The following ANKRD13B variants were observed in gnomAD, a reference collection of about 807,000 sequenced individuals.
The protein encoded by ANKRD13B is ankyrin repeat domain-containing protein 13B.
ANKRD13B carries 33 observed loss-of-function variants against 74.4 expected under a neutral mutation model. The observed-to-expected ratio is 0.44, with a 90% confidence interval of 0.34 to 0.59. The LOEUF (loss-of-function observed/expected upper bound fraction) is 0.59. Ranked by LOEUF, ANKRD13B falls within the 20% of genes least tolerant of loss-of-function variation. The pLI is 0.02. For missense variants in ANKRD13B, 676 were observed against 877.9 expected, an observed-to-expected ratio of 0.77 and a Z score of 2.91; for synonymous variants, 341 against 362.9, an observed-to-expected ratio of 0.94 and a Z score of 0.68.
rs2034492434 is a variant in ANKRD13B, at chr17:29,609,173, T to TGCTGCTG, written c.661_667dup (p.Ala223GlyfsTer7). ...GCACTGGCTGGGCAGGACCGGGAGC[T>TGCTGCTG]GCTGCTGGCTGCTGCTCAGCCCACT... On this transcript the variant is annotated frameshift_variant, in exon 6 of 15. Transcript: ENST00000394859. LOFTEE classifies it high-confidence loss of function. This position sits in a 1 kb window ranked among gnomAD's most constrained non-coding sequence, Gnocchi z 4.0. 1.2e-6 allele frequency: 2 copies of TGCTGCTG among 1,612,252 alleles called. No individual in the cohort carries two copies. The highest frequency in any genetic ancestry group is 1.7e-6 in the Non-Finnish European group (2 of 1,179,998).
rs2034680146 is a variant in ANKRD13B at position 29,613,390 on chromosome 17, C to T, written c.1689C>T (p.Pro563=). The change falls in exon 15 of 15, where the codon CCC becomes CCT. Residue 563 remains proline, a synonymous_variant. Transcript: ENST00000394859. ...APPTPQRQPA[P]PASVPSPRPS... is the part of the protein sequence containing the mutation. Reference sequence around the variant, plus strand: ...CCACGCCGCAGCGCCAGCCTGCGCCCCCGGCGTCAGTGCCCAGCCCTCGGC... The same window carrying T: ...CCACGCCGCAGCGCCAGCCTGCGCCTCCGGCGTCAGTGCCCAGCCCTCGGC... The T allele has an allele frequency of 1.3e-6, 2 of 1,487,072 alleles. No individual in the cohort carries two copies. The highest frequency in any genetic ancestry group is 8.9e-7 in the Non-Finnish European group (1 of 1,124,304). 92.1% of individuals were successfully genotyped at this position (1,487,072 alleles called of 1,614,324 possible).
intron 1 of ANKRD13B, among the ~76,000 whole-genome samples, chr17:29,601,872 G>A (rs1164285702): frequency 6.6e-6 from 1 of 152,062 alleles, no homozygotes; most frequent in Non-Finnish European, 1.5e-5. Context: ...TTTCTGATGA[G>A]AAGAATATAG....
intron 1 of ANKRD13B, among the ~76,000 whole-genome samples, chr17:29,601,722 G>A (rs901381646): frequency 6.6e-5 from 10 of 150,904 alleles, no homozygotes; most frequent in African/African-American, 1.7e-4. Flanking sequence ...TATTTTCACC[G>A]GGTATGGAAT....
At chr17:29,599,875 T>TG (rs2034095940) in intron 1 of ANKRD13B, among the ~76,000 whole-genome samples, 5 of 118,658 alleles carry the variant, frequency 4.2e-5, no homozygotes, top group South Asian at 3.0e-4. Context: ...GTTTTTTTTT[T>TG]TTTTTTTTTT....
At chr17:29,597,980 G>A (rs1238193464) in intron 1 of ANKRD13B, among the ~76,000 whole-genome samples, 1 of 152,126 alleles carries the variant, frequency 6.6e-6, no homozygotes, top group Non-Finnish European at 1.5e-5. Context: ...GGTCTTATTA[G>A]CTGCAGCGGC....
intron 1 of ANKRD13B, among the ~76,000 whole-genome samples, chr17:29,594,682 C>T (rs2033890931): frequency 6.6e-6 from 1 of 152,216 alleles, no homozygotes; most frequent in Non-Finnish European, 1.5e-5. Context: ...CAGAGCTGGG[C>T]CCGGGTCCCA....
At position 29,613,527 on chromosome 17, in the gene ANKRD13B, G is replaced by T; in HGVS notation, c.1826G>T (p.Arg609Leu). Residue 609 changes from arginine (R) to leucine (L), a missense_variant, in exon 15 of 15, where the codon CGC becomes CTC. Coordinates refer to ENST00000394859, the MANE Select transcript of ANKRD13B (RefSeq NM_152345.5). ...CAGGAGGAGAGGCGGCGGCGCGCGC[G>T]CCAGGAGGAGGAGGAGCTGGAGCGC... ...QEQEERRRRARQEEEELERIL... is the reference protein window; with the variant it reads ...QEQEERRRRALQEEEELERIL... The T allele has an allele frequency of 6.6e-7, 1 of 1,524,388 alleles. No homozygotes were observed. Among genetic ancestry groups the T allele is most frequent in the Non-Finnish European group, 8.8e-7 (1 of 1,138,504 alleles). The allele number at this position is 1,524,388 out of a possible 1,614,324, so 94.4% of individuals were successfully genotyped here. A position where few individuals can be genotyped will look rare whatever the true frequency, so the allele number is the denominator to read the frequency against.
chr17:29,611,445 A>C lies in ANKRD13B; in HGVS notation c.905-134A>C, dbSNP rs879206127. ...AGTCCCCTTCAGGTGAAGGTGCCTG[A>C]GTATGTGGTTGGGTGAGCAGGCCCC... On this transcript the variant is annotated intron_variant, in intron 8 of 14. Transcript: ENST00000394859. The surrounding 1 kb of genome is among the most constrained non-coding windows in gnomAD (Gnocchi z 4.3). 2.4e-5 allele frequency: 20 copies of C among 821,200 alleles called. No individual in the cohort carries two copies. The South Asian group carries it at 3.1e-4, about 13-fold the overall frequency. The allele number at this position is 821,200 out of a possible 1,614,324, so 50.9% of individuals were successfully genotyped here.
chr17:29,597,488 T>A (rs1183573291), intron 1 of ANKRD13B, among the ~76,000 whole-genome samples: 1 of 151,874 alleles, frequency 6.6e-6, no homozygotes, highest in African/African-American at 2.4e-5. Flanking sequence ...GACCCCCAGC[T>A]ACAAAACTCC....
At chr17:29,596,394 G>C (rs1298641283) in intron 1 of ANKRD13B, among the ~76,000 whole-genome samples, 7 of 152,246 alleles carry the variant, frequency 4.6e-5, no homozygotes, top group Admixed American at 4.6e-4. Flanking sequence ...GCCAGGTCGG[G>C]GGGGACAGGG....
At chr17:29,613,282 C>T (rs536002337) in intron 14 of ANKRD13B, 72 bp from the exon 15 acceptor site, 3 of 1,388,270 alleles carry the variant, frequency 2.2e-6, no homozygotes, top group African/African-American at 1.5e-5. Context: ...CTGGAGCCTC[C>T]ACGCCGTGTC....
At position 29,610,679 on chromosome 17, in the gene ANKRD13B, C is replaced by A; in HGVS notation, c.823-6C>A. 6.2e-7 allele frequency: 1 copy of A among 1,613,642 alleles called. No homozygotes were observed. Among genetic ancestry groups the A allele is most frequent in the Non-Finnish European group, 8.5e-7 (1 of 1,179,700 alleles). On this transcript the variant is annotated splice_polypyrimidine_tract_variant and splice_region_variant and intron_variant, in intron 7 of 14. Coordinates refer to ENST00000394859, the MANE Select transcript of ANKRD13B (RefSeq NM_152345.5). ...GCTTATGAGCCCTTTCTTCATCTGT[C>A]CCCAGGTGTATGGGGCATCTAACGT... is the stretch of plus-strand genomic sequence containing the variant.
intron 1 of ANKRD13B, among the ~76,000 whole-genome samples, chr17:29,602,517 G>A (rs1310932501): frequency 1.3e-5 from 2 of 152,104 alleles, no homozygotes; most frequent in African/African-American, 2.4e-5. Flanking sequence ...GTCTCTTTCA[G>A]ATTCTGGTGA....
intron 1 of ANKRD13B, among the ~76,000 whole-genome samples, chr17:29,596,257 A>G (rs891245457): frequency 6.6e-6 from 1 of 152,236 alleles, no homozygotes; most frequent in Non-Finnish European, 1.5e-5. Context: ...CTCAGCCCCA[A>G]ATTGCTCTGC....
intron 1 of ANKRD13B, among the ~76,000 whole-genome samples, chr17:29,596,466 G>A (rs1318473486): frequency 6.6e-6 from 1 of 152,248 alleles, no homozygotes. Context: ...GCATGGTCCT[G>A]GTTCTGGAGT....
chr17:29,609,314 G>A lies in ANKRD13B; in HGVS notation c.755+39G>A, dbSNP rs142904329. 5.4e-4 allele frequency: 877 copies of A among 1,613,074 alleles called. No homozygotes were observed. The highest frequency in any genetic ancestry group is 1.2e-3 in the African/African-American group (91 of 75,014). On this transcript the variant is annotated intron_variant, in intron 6 of 14. Transcript: ENST00000394859. The surrounding 1 kb of genome is among the most constrained non-coding windows in gnomAD (Gnocchi z 4.0). ...GCCTTGGTCACCCTTGAGCCAGCCCGGTGGGGTGCCTGCCTCACCTGGACC... is the reference window on the plus strand; with the variant it reads ...GCCTTGGTCACCCTTGAGCCAGCCCAGTGGGGTGCCTGCCTCACCTGGACC...
Position 29,612,013 on chromosome 17 carries a change from C to G in ANKRD13B, c.1100+7C>G. The G allele has an allele frequency of 1.9e-6, 3 of 1,610,302 alleles. No homozygotes were observed. In the East Asian group the frequency reaches 6.7e-5, roughly 36 times the overall value. On this transcript the variant is annotated splice_region_variant and intron_variant, in intron 10 of 14. Coordinates refer to ENST00000394859, the MANE Select transcript of ANKRD13B (RefSeq NM_152345.5). The surrounding 1 kb of genome is among the most constrained non-coding windows in gnomAD (Gnocchi z 6.1). ...TGACCACCAAGACACAGAAGTGAGGCCCCTGCCGGTGCTGGGAAGGTGGGG... is the reference window on the plus strand; with the variant it reads ...TGACCACCAAGACACAGAAGTGAGGGCCCTGCCGGTGCTGGGAAGGTGGGG...
At chr17:29,610,123 C>T (rs569947329) in intron 7 of ANKRD13B, among the ~76,000 whole-genome samples, 2 of 146,176 alleles carry the variant, frequency 1.4e-5, no homozygotes, top group Admixed American at 7.0e-5. Flanking sequence ...ACCTGGGAGG[C>T]GGAGCTTGCA....
Position 29,612,040 on chromosome 17 carries a change from G to A in ANKRD13B, c.1100+34G>A, listed in dbSNP as rs747287589. ...CCTGCCGGTGCTGGGAAGGTGGGGGGCCGGGGCTCCAGGAGATGCTGGGAG... is the reference window on the plus strand; with the variant it reads ...CCTGCCGGTGCTGGGAAGGTGGGGGACCGGGGCTCCAGGAGATGCTGGGAG... On this transcript the variant is annotated intron_variant, in intron 10 of 14. Transcript: ENST00000394859. The surrounding 1 kb of genome is among the most constrained non-coding windows in gnomAD (Gnocchi z 6.1). 3 of 1,608,954 alleles carry A rather than the reference G, an allele frequency of 1.9e-6. No individual in the cohort carries two copies. Among genetic ancestry groups the A allele is most frequent in the Non-Finnish European group, 2.5e-6 (3 of 1,176,800 alleles).
Sources: gnomAD v4.1 joint callset for allele counts (sites outside exome capture counted in the v4.1 genomes callset) on GRCh38, gnomAD v4.1.1 for gene constraint, Gnocchi (gnomAD v3.1) non-coding constraint, MANE v1.5 for transcripts, NCBI Gene and HGNC (gene_info 2026-07-23, HGNC 2026-07-21) for gene names.